NALCN: variants seen among roughly 807,000 people sequenced by gnomAD.
NALCN encodes sodium leak channel NALCN.
A neutral mutation model predicts 225.3 loss-of-function variants in NALCN; 111 were observed. The ratio of observed to expected loss-of-function variants is 0.49; its 90% CI spans 0.42 to 0.58. NALCN has a LOEUF of 0.58. NALCN is among the 20% of genes least tolerant of loss of function. The probability of loss-of-function intolerance (pLI) is 0.00; values close to 1 mark genes in which losing one functional copy is unlikely to be tolerated. For synonymous variants in NALCN, 764 were observed against 769.0 expected (o/e 0.99, Z 0.11); for missense variants, 1,378 against 2,202.4 (o/e 0.63, Z 7.49).
chr13:101,149,011 A>T (rs189092652), intron 15 of NALCN, among the ~76,000 whole-genome samples: 3 of 152,320 alleles, frequency 2.0e-5, no homozygotes, highest in Admixed American at 2.0e-4. Flanking sequence ...AAAATTTTGT[A>T]GGCTGGGCGC....
At chr13:101,274,356 A>C (rs1401805614) in intron 10 of NALCN, among the ~76,000 whole-genome samples, 2 of 152,254 alleles carry the variant, frequency 1.3e-5, no homozygotes, top group Admixed American at 1.3e-4. Flanking sequence ...AAAATGAAGT[A>C]GTTAAAAGTA....
intron 9 of NALCN, among the ~76,000 whole-genome samples, chr13:101,285,681 T>C (rs896164858): frequency 6.6e-6 from 1 of 152,196 alleles, no homozygotes; most frequent in Non-Finnish European, 1.5e-5. Flanking sequence ...CTGATTTTCT[T>C]TAGAATAAAC....
intron 7 of NALCN, among the ~76,000 whole-genome samples, chr13:101,314,953 A>G (rs1313400978): frequency 2.6e-5 from 4 of 151,402 alleles, no homozygotes; most frequent in Non-Finnish European, 5.9e-5. Flanking sequence ...GCGAGATACT[A>G]AAGTGATGCT....
At chr13:101,148,672 G>A (rs1290616762) in intron 15 of NALCN, among the ~76,000 whole-genome samples, 3 of 152,216 alleles carry the variant, frequency 2.0e-5, no homozygotes, top group African/African-American at 4.8e-5. Context: ...ATTATTCCAC[G>A]GGCAGTGGCT....
Position 101,258,482 on chromosome 13 carries a change from T to C in NALCN, c.1227A>G (p.Glu409=). ...IVAASNYYKG[E]NFRRQYDEFY... Reference sequence around the variant, plus strand: ...ACTCGTCGTACTGCCTCCTGAAGTTTTCTCCTTTGTAGTAGTTGCTAGCCG... The same window carrying C: ...ACTCGTCGTACTGCCTCCTGAAGTTCTCTCCTTTGTAGTAGTTGCTAGCCG... Residue 409 remains glutamate (E), a synonymous_variant, in exon 11 of 44, where the codon GAA becomes GAG. Coordinates refer to ENST00000251127, the MANE Select transcript of NALCN (RefSeq NM_052867.4). The C allele has an allele frequency of 6.2e-7, 1 of 1,614,168 alleles. No individual in the cohort carries two copies. Among genetic ancestry groups the C allele is most frequent in the South Asian group, 1.1e-5 (1 of 91,072 alleles).
chr13:101,124,288 A>G (rs931185967), intron 18 of NALCN, among the ~76,000 whole-genome samples: 15 of 152,140 alleles, frequency 9.9e-5, no homozygotes, highest in Non-Finnish European at 2.9e-5. Context: ...TTAGATTGCA[A>G]TTTCTCCTTT....
At chr13:101,411,062 T>C (rs923890764) in intron 1 of NALCN, among the ~76,000 whole-genome samples, 1 of 152,198 alleles carries the variant, frequency 6.6e-6, no homozygotes, top group African/African-American at 2.4e-5. Flanking sequence ...TTGTTGGCAT[T>C]CTAATTTACC....
intron 14 of NALCN, among the ~76,000 whole-genome samples, chr13:101,190,138 A>G (rs1478227743): frequency 6.6e-6 from 1 of 152,198 alleles, no homozygotes; most frequent in Non-Finnish European, 1.5e-5. Flanking sequence ...TCCCTGATTT[A>G]AGAATCAAAC....
At chr13:101,334,960 T>C (rs1182410913) in intron 7 of NALCN, among the ~76,000 whole-genome samples, 3 of 152,350 alleles carry the variant, frequency 2.0e-5, no homozygotes, top group Non-Finnish European at 1.5e-5. Context: ...TCATTAAATC[T>C]CTTACATTAT....
rs187336434 is a variant in NALCN, at chr13:101,065,202, C to T, written c.4604+202G>A. Among the ~76,000 whole-genome samples, 7 of 152,294 alleles carry T rather than the reference C, an allele frequency of 4.6e-5. No homozygotes were observed. In the East Asian group the frequency reaches 5.8e-4, roughly 13 times the overall value. On this transcript the variant is annotated intron_variant, in intron 40 of 43. Coordinates refer to ENST00000251127, the MANE Select transcript of NALCN (RefSeq NM_052867.4). The stretch of plus-strand genomic sequence containing the variant: ...GGCACAGCCGCCCAGCCCTCCCCTG[C>T]GAGGCACCTACTTGGAAATGTTCAC...
chr13:101,134,902 A>G (rs592888), intron 17 of NALCN, among the ~76,000 whole-genome samples: 49,539 of 152,094 alleles, frequency 0.33, 9,394 homozygotes, highest in African/African-American at 0.51. Context: ...TAATGATAAG[A>G]AACTATAAAT....
intron 15 of NALCN, among the ~76,000 whole-genome samples, chr13:101,168,129 TCCTCTTA>T (rs1437261166): frequency 1.3e-5 from 2 of 152,294 alleles, no homozygotes; most frequent in Admixed American, 1.3e-4. Context: ...TTCTAGGCTT[TCCTCTTA>T]CCTCTTGTGC....
At chr13:101,162,002 G>A (rs186474669) in intron 15 of NALCN, among the ~76,000 whole-genome samples, 1 of 152,192 alleles carries the variant, frequency 6.6e-6, no homozygotes, top group Non-Finnish European at 1.5e-5. Context: ...CTGCATTCTG[G>A]GTGCACAGAG....
intron 17 of NALCN, among the ~76,000 whole-genome samples, chr13:101,126,978 G>C (rs552953329): frequency 1.2e-4 from 18 of 152,238 alleles, no homozygotes; most frequent in African/African-American, 3.4e-4. Flanking sequence ...GAGGTCCTGT[G>C]ACAGTGAGTT....
chr13:101,348,652 C>G, intron 6 of NALCN, among the ~76,000 whole-genome samples: 1 of 151,052 alleles, frequency 6.6e-6, no homozygotes, highest in Admixed American at 6.6e-5. Flanking sequence ...TTTTTTCTTC[C>G]TATTATATTT....
chr13:101,229,290 G>C, intron 13 of NALCN, 103 bp downstream of exon 13: 2 of 1,100,014 alleles, frequency 1.8e-6, no homozygotes, highest in Non-Finnish European at 2.5e-6. Context: ...ATCAAAAATA[G>C]GATAATACTT....
chr13:101,163,307 A>G (rs1370684916), intron 15 of NALCN, among the ~76,000 whole-genome samples: 1 of 152,148 alleles, frequency 6.6e-6, no homozygotes, highest in Non-Finnish European at 1.5e-5. Context: ...TACAACCGAC[A>G]ACCCACCATT....
At chr13:101,325,298 G>A (rs2044906694) in intron 7 of NALCN, among the ~76,000 whole-genome samples, 1 of 152,120 alleles carries the variant, frequency 6.6e-6, no homozygotes. Context: ...AACACTGAAG[G>A]GTTTCTCTGC....
chr13:101,250,903 G>C (rs975542336), intron 11 of NALCN, among the ~76,000 whole-genome samples: 9 of 151,272 alleles, frequency 5.9e-5, no homozygotes, highest in Non-Finnish European at 8.9e-5. Context: ...GACAGAATAC[G>C]AAAAAAAGGT....
Sources: allele counts gnomAD v4.1 joint callset (sites outside exome capture counted in the v4.1 genomes callset), GRCh38; gene constraint gnomAD v4.1.1; transcripts MANE v1.5; gene names NCBI Gene and HGNC (gene_info 2026-07-23, HGNC 2026-07-21).